The following SH3D19 variants were observed in gnomAD, a reference collection of about 807,000 sequenced individuals.
SH3D19 encodes SH3 domain containing 19, also known as SH3 domain-containing protein 19.
Under a neutral mutation model 112.1 loss-of-function variants are expected in SH3D19, and 58 were observed. That is an observed-to-expected ratio of 0.52 (90% CI 0.42 to 0.64). The LOEUF is 0.64. Ranked by LOEUF, SH3D19 falls within the 30% of genes least tolerant of loss-of-function variation. The pLI, the probability that SH3D19 is intolerant of heterozygous loss-of-function variation, is 0.00. For missense variants in SH3D19, 1,090 were observed against 1,263.4 expected, an observed-to-expected ratio of 0.86 and a Z score of 2.08; for synonymous variants, 391 against 448.5, an observed-to-expected ratio of 0.87 and a Z score of 1.62.
At chr4:151,258,060 G>A (rs561920943) in intron 1 of SH3D19, among the ~76,000 whole-genome samples, 1 of 152,042 alleles carries the variant, frequency 6.6e-6, no homozygotes, top group African/African-American at 2.4e-5. Flanking sequence ...CTTTTCAAAT[G>A]AACAGGATAT....
intron 11 of SH3D19, among the ~76,000 whole-genome samples, chr4:151,145,822 G>A (rs546290396): frequency 6.6e-6 from 1 of 152,296 alleles, no homozygotes; most frequent in East Asian, 1.9e-4. Context: ...AACTGGATTC[G>A]CAACCCTGGG....
At chr4:151,277,621 C>G (rs9990564) in intron 1 of SH3D19, among the ~76,000 whole-genome samples, 52,339 of 151,474 alleles carry the variant, frequency 0.35, 10,128 homozygotes, top group Non-Finnish European at 0.46. Flanking sequence ...AAGGGGATAA[C>G]TAAATTAAGT....
intron 17 of SH3D19, among the ~76,000 whole-genome samples, chr4:151,129,951 G>A (rs1046371660): frequency 6.6e-6 from 1 of 152,166 alleles, no homozygotes; most frequent in African/African-American, 2.4e-5. Flanking sequence ...CCTAAAGGAT[G>A]GAACTTATCA....
rs530882860 is a variant in SH3D19, at chr4:151,316,955, AG to A, written c.112+8285del. ...TTTCCTCTTGTACTTAATTGATAGTAGAATTTCCCTCATACATGTCAAGTAC... is the reference window on the plus strand; with the variant it reads ...TTTCCTCTTGTACTTAATTGATAGTAAATTTCCCTCATACATGTCAAGTAC... On this transcript the variant is annotated intron_variant, in intron 1 of 19. Transcript: ENST00000604030. 1.6e-3 allele frequency among the ~76,000 whole-genome samples: 240 copies of A among 152,390 alleles called. 1 individual carries two copies. The highest frequency in any genetic ancestry group is 5.5e-3 in the African/African-American group (230 of 41,594).
intron 19 of SH3D19, among the ~76,000 whole-genome samples, chr4:151,125,055 C>CTTTA (rs538307264): frequency 6.6e-6 from 1 of 151,706 alleles, no homozygotes; most frequent in Non-Finnish European, 1.5e-5. Flanking sequence ...CAACAGTTTT[C>CTTTA]TTTCTTTCTT....
intron 1 of SH3D19, among the ~76,000 whole-genome samples, chr4:151,239,092 C>G (rs1770359314): frequency 6.6e-6 from 1 of 152,210 alleles, no homozygotes; most frequent in South Asian, 2.1e-4. Context: ...AGACATCTGT[C>G]ACCTTTACTT....
intron 1 of SH3D19, among the ~76,000 whole-genome samples, chr4:151,316,819 AG>A (rs1410954230): frequency 6.6e-6 from 1 of 152,192 alleles, no homozygotes; most frequent in East Asian, 1.9e-4. Context: ...CTTCTAAACA[AG>A]GGGGCCAGGC....
At position 151,264,257 on chromosome 4, in the gene SH3D19, G is replaced by A. The variant is rs143219916; in HGVS notation, c.113-38171C>T. On this transcript the variant is annotated intron_variant, in intron 1 of 19. Transcript: ENST00000604030. ...ACCAGCCTGGCCAACATGGTGAAACGTTGTCTCTATTAAAAATACAAAAAT... is the reference window on the plus strand; with the variant it reads ...ACCAGCCTGGCCAACATGGTGAAACATTGTCTCTATTAAAAATACAAAAAT... Among the ~76,000 whole-genome samples, 827 of 151,832 alleles carry A rather than the reference G, an allele frequency of 5.4e-3. 6 individuals carry two copies. The highest frequency in any genetic ancestry group is 0.019 in the African/African-American group (806 of 41,436).
At chr4:151,297,616 A>T (rs1045237489) in intron 1 of SH3D19, among the ~76,000 whole-genome samples, 1 of 152,230 alleles carries the variant, frequency 6.6e-6, no homozygotes, top group African/African-American at 2.4e-5. Context: ...AAAGACAAAG[A>T]GAAATCAAGA....
intron 9 of SH3D19, among the ~76,000 whole-genome samples, chr4:151,150,399 C>T (rs1172053088): frequency 6.7e-6 from 1 of 149,832 alleles, no homozygotes; most frequent in Non-Finnish European, 1.5e-5. Flanking sequence ...AAGAAACACA[C>T]TGCTCCTAAA....
At chr4:151,310,397 A>G (rs1255168925) in intron 1 of SH3D19, among the ~76,000 whole-genome samples, 1 of 152,016 alleles carries the variant, frequency 6.6e-6, no homozygotes, top group African/African-American at 2.4e-5. Context: ...AAAAAAATCA[A>G]AAGATATGTG....
chr4:151,191,698 T>G (rs944366735), intron 2 of SH3D19, among the ~76,000 whole-genome samples: 8 of 151,962 alleles, frequency 5.3e-5, no homozygotes, highest in Admixed American at 2.0e-4. Flanking sequence ...TAGGCTGGAG[T>G]GCAGTGGCGC....
chr4:151,144,813 C>T (rs1326087375), intron 11 of SH3D19, among the ~76,000 whole-genome samples: 4 of 152,196 alleles, frequency 2.6e-5, no homozygotes, highest in African/African-American at 9.7e-5. Context: ...CCACTCAGCT[C>T]TGTCTGATCT....
intron 1 of SH3D19, chr4:151,262,857 T>C (rs1435277999): frequency 6.6e-6 from 1 of 152,116 alleles, no homozygotes; most frequent in Non-Finnish European, 1.5e-5. Context: ...GATTGAGAAG[T>C]CTCCCATCTC....
intron 1 of SH3D19, among the ~76,000 whole-genome samples, chr4:151,236,129 G>C (rs908314425): frequency 5.3e-5 from 8 of 152,256 alleles, no homozygotes; most frequent in Non-Finnish European, 1.0e-4. Context: ...CCTCGGCCTC[G>C]GCGTCCGCTC....
At chr4:151,129,520 C>T (rs1345547119) in intron 17 of SH3D19, among the ~76,000 whole-genome samples, 1 of 152,192 alleles carries the variant, frequency 6.6e-6, no homozygotes, top group Non-Finnish European at 1.5e-5. Context: ...CAGGTGCACA[C>T]CACCACACCC....
chr4:151,262,704 C>CTCTCTCTT (rs1772474461), intron 1 of SH3D19: 1 of 150,744 alleles, frequency 6.6e-6, no homozygotes, highest in Non-Finnish European at 1.5e-5. Context: ...CTCTCTCTCT[C>CTCTCTCTT]TCTCTCTGGG....
intron 1 of SH3D19, among the ~76,000 whole-genome samples, chr4:151,238,024 A>G (rs1487763205): frequency 6.8e-6 from 1 of 146,168 alleles, no homozygotes; most frequent in Non-Finnish European, 1.5e-5. Flanking sequence ...TGGCAGAAGT[A>G]ATAAATAAGC....
intron 2 of SH3D19, among the ~76,000 whole-genome samples, chr4:151,225,182 C>T (rs1167866988): frequency 6.6e-6 from 1 of 151,994 alleles, no homozygotes; most frequent in Non-Finnish European, 1.5e-5. Context: ...GAAAAAGCAC[C>T]AGGATTTGGC....
Sources: allele counts gnomAD v4.1 joint callset (sites outside exome capture counted in the v4.1 genomes callset), GRCh38; gene constraint gnomAD v4.1.1; transcripts MANE v1.5; gene names NCBI Gene and HGNC (gene_info 2026-07-23, HGNC 2026-07-21).